PHIP: variants seen among roughly 807,000 people sequenced by gnomAD.
PHIP encodes the protein PHIP subunit of CUL4-Ring ligase complex.
PHIP carries 54 observed loss-of-function variants against 236.8 expected under a neutral mutation model. The observed-to-expected ratio is 0.23, with a 90% CI of 0.18 to 0.29. The LOEUF (loss-of-function observed/expected upper bound fraction) is 0.29, where lower values mean the gene tolerates loss of function less well. Ranked by LOEUF, PHIP falls within the 10% of genes least tolerant of loss-of-function variation. The pLI, the probability that PHIP is intolerant of heterozygous loss-of-function variation, is 1.00. For missense variants in PHIP, 1,370 were observed against 2,190.8 expected, an observed-to-expected ratio of 0.63 and a Z score of 7.48; for synonymous variants, 756 against 718.9, an observed-to-expected ratio of 1.05 and a Z score of -0.83.
intron 6 of PHIP, among the ~76,000 whole-genome samples, chr6:79,057,060 T>C (rs9443640): frequency 0.12 from 18,245 of 152,174 alleles, 1,413 homozygotes; most frequent in African/African-American, 0.2. Flanking sequence ...TCCAGGCTTC[T>C]GGCTTGGAGT....
At chr6:79,077,638 G>A (rs1774246606) in intron 3 of PHIP, 62 bp downstream of exon 3, 3 of 911,964 alleles carry the variant, frequency 3.3e-6, no homozygotes, top group East Asian at 1.2e-4. Flanking sequence ...CGGCAGCGGC[G>A]GCGCAGCGGC....
rs564300933 is a variant in PHIP, at chr6:78,940,658, T to G, written c.*35A>C. On this transcript the variant is annotated 3_prime_UTR_variant, in exon 40 of 40. Coordinates refer to ENST00000275034, the MANE Select transcript of PHIP (RefSeq NM_017934.7). ...CTACTTATTCCTTAACTGTACCTGC[T>G]TTATAGATTTTGAAGTAAAATATTT... 7.0e-7 allele frequency: 1 copy of G among 1,419,442 alleles called. No individual in the cohort carries two copies. The highest frequency in any genetic ancestry group is 9.6e-7 in the Non-Finnish European group (1 of 1,040,952). The allele number at this position is 1,419,442 out of a possible 1,614,324, so 87.9% of individuals were successfully genotyped here.
At chr6:79,043,613 C>T (rs796476302) in intron 6 of PHIP, among the ~76,000 whole-genome samples, 10 of 152,196 alleles carry the variant, frequency 6.6e-5, no homozygotes, top group African/African-American at 2.4e-4. Context: ...CCTTTCAACT[C>T]ATTCATTCTA....
intron 27 of PHIP, 138 bp from the exon 28 acceptor site, chr6:78,966,194 T>A: frequency 1.7e-6 from 1 of 599,770 alleles, no homozygotes; most frequent in Non-Finnish European, 3.0e-6. Context: ...ACTCCAAAAA[T>A]AAGTAAGTAC....
chr6:78,965,691 A>G lies in PHIP; in HGVS notation c.3379+12T>C, dbSNP rs1196752064. 1.4e-6 allele frequency: 2 copies of G among 1,467,308 alleles called. No homozygotes were observed. Among genetic ancestry groups the G allele is most frequent in the East Asian group, 2.3e-5 (1 of 43,892 alleles). The allele number at this position is 1,467,308 out of a possible 1,614,324, so 90.9% of individuals were successfully genotyped here. On this transcript the variant is annotated intron_variant, in intron 29 of 39. Coordinates refer to ENST00000275034, the MANE Select transcript of PHIP (RefSeq NM_017934.7). Reference sequence around the variant, plus strand: ...CCATAATGGAGAAACAAAAAGCCTAACACACACTTACCATTATTAGGTATA... The same window carrying G: ...CCATAATGGAGAAACAAAAAGCCTAGCACACACTTACCATTATTAGGTATA...
intron 35 of PHIP, among the ~76,000 whole-genome samples, chr6:78,949,103 C>G (rs1773992690): frequency 6.6e-6 from 1 of 152,156 alleles, no homozygotes; most frequent in Admixed American, 6.5e-5. Context: ...CACCAGTAAA[C>G]ATGATATTAG....
intron 35 of PHIP, among the ~76,000 whole-genome samples, chr6:78,952,005 T>G (rs531614768): frequency 2.0e-5 from 3 of 152,378 alleles, no homozygotes; most frequent in African/African-American, 7.2e-5. Flanking sequence ...GTATGACTGT[T>G]TCAATATTTT....
At chr6:78,953,022 C>T (rs1766156792) in intron 35 of PHIP, among the ~76,000 whole-genome samples, 1 of 151,556 alleles carries the variant, frequency 6.6e-6, no homozygotes, top group African/African-American at 2.4e-5. Flanking sequence ...TATGGTAGAT[C>T]ACTCCCTTAT....
At chr6:78,975,943 T>C (rs1274313341) in intron 24 of PHIP, among the ~76,000 whole-genome samples, 1 of 151,248 alleles carries the variant, frequency 6.6e-6, no homozygotes. Flanking sequence ...AAAATGGCCA[T>C]ACTGCCCAAG....
At chr6:79,030,625 C>G (rs981880869) in intron 7 of PHIP, among the ~76,000 whole-genome samples, 7 of 152,114 alleles carry the variant, frequency 4.6e-5, no homozygotes, top group Non-Finnish European at 7.3e-5. Context: ...TTAGCCAGAT[C>G]CTGCTAATGT....
At chr6:78,962,214 TCAA>T (rs1766828785) in intron 30 of PHIP, among the ~76,000 whole-genome samples, 1 of 152,084 alleles carries the variant, frequency 6.6e-6, no homozygotes, top group South Asian at 2.1e-4. Context: ...TCCCTTTATC[TCAA>T]CTTTACATTA....
chr6:78,960,491 T>C (rs940353227), intron 31 of PHIP, among the ~76,000 whole-genome samples: 1 of 151,558 alleles, frequency 6.6e-6, no homozygotes, highest in African/African-American at 2.4e-5. Context: ...ACACCTGATA[T>C]TGAAAAAGAC....
Position 78,955,038 on chromosome 6 carries a change from A to G in PHIP, c.3904-75T>C, listed in dbSNP as rs923563336. On this transcript the variant is annotated intron_variant, in intron 34 of 39. Transcript: ENST00000275034. ...AAATTTGTACTTTTAATGTAGTCTT[A>G]GATAATTGGGTAATATACAATAATT... is the stretch of plus-strand genomic sequence containing the variant. 2.4e-5 allele frequency: 25 copies of G among 1,048,936 alleles called. No homozygotes were observed. In the Admixed American group the frequency reaches 6.9e-4, roughly 29 times the overall value. 65.0% of individuals were successfully genotyped at this position (1,048,936 alleles called of 1,614,324 possible). A position where few individuals can be genotyped will look rare whatever the true frequency, so the allele number is the denominator to read the frequency against.
At chr6:79,055,710 A>T (rs954885305) in intron 6 of PHIP, among the ~76,000 whole-genome samples, 1 of 152,240 alleles carries the variant, frequency 6.6e-6, no homozygotes, top group African/African-American at 2.4e-5. Flanking sequence ...ATCAAAGACC[A>T]AAAGGTTCAA....
chr6:79,030,982 C>T (rs1318197692), intron 7 of PHIP, among the ~76,000 whole-genome samples: 1 of 151,954 alleles, frequency 6.6e-6, no homozygotes, highest in Non-Finnish European at 1.5e-5. Flanking sequence ...CTTCCTCTGT[C>T]GCCCAGGCTG....
intron 7 of PHIP, among the ~76,000 whole-genome samples, chr6:79,030,463 C>T (rs1771614004): frequency 6.6e-6 from 1 of 152,082 alleles, no homozygotes; most frequent in South Asian, 2.1e-4. Context: ...CTTGAAAGTA[C>T]AAAGTGTAAG....
chr6:79,049,141 C>A (rs1373136989), intron 6 of PHIP, among the ~76,000 whole-genome samples: 3 of 151,762 alleles, frequency 2.0e-5, no homozygotes, highest in African/African-American at 7.3e-5. Context: ...ACAATCTCTG[C>A]AGCCTCCGCC....
chr6:79,038,010 A>T (rs984228381), intron 7 of PHIP, among the ~76,000 whole-genome samples: 2 of 152,234 alleles, frequency 1.3e-5, no homozygotes, highest in African/African-American at 4.8e-5. Flanking sequence ...CAGAATACAG[A>T]CTATCATATC....
rs1264085710 is a variant in PHIP, at chr6:78,936,054, A to G, written c.*4639T>C. 1 of 152,040 alleles carries G rather than the reference A, an allele frequency of 6.6e-6. No homozygotes were observed. The highest frequency in any genetic ancestry group is 1.5e-5 in the Non-Finnish European group (1 of 67,908). 9.4% of individuals were successfully genotyped at this position (152,040 alleles called of 1,614,324 possible). ...GTCCAATCAGTATGTACAAAAAGAA[A>G]GGGCACTGCTATTCTGGTGTGAAAC... is the stretch of plus-strand genomic sequence containing the variant. On this transcript the variant is annotated 3_prime_UTR_variant, in exon 40 of 40. Coordinates refer to ENST00000275034, the MANE Select transcript of PHIP (RefSeq NM_017934.7).
Sources: allele counts gnomAD v4.1 joint callset (sites outside exome capture counted in the v4.1 genomes callset), GRCh38; gene constraint gnomAD v4.1.1; transcripts MANE v1.5; gene names NCBI Gene and HGNC (gene_info 2026-07-23, HGNC 2026-07-21).